CSMD1: variants seen among roughly 807,000 people sequenced by gnomAD.
The protein encoded by CSMD1 is CUB and sushi domain-containing protein 1.
Under a neutral mutation model 417.5 loss-of-function variants are expected in CSMD1, and 213 were observed. That is an observed-to-expected ratio of 0.51 (90% CI 0.46 to 0.57). CSMD1 has a LOEUF of 0.57. CSMD1 is among the 20% of genes least tolerant of loss of function. The pLI is 0.00. For missense variants in CSMD1, 6,923 were observed against 4,529.7 expected (o/e 1.53, Z -15.17); for synonymous variants, 2,862 against 1,736.8 (o/e 1.65, Z -16.11).
intron 12 of CSMD1, among the ~76,000 whole-genome samples, chr8:3,409,965 T>A (rs1812582083): frequency 6.6e-6 from 1 of 152,238 alleles, no homozygotes; most frequent in African/African-American, 2.4e-5. Flanking sequence ...TTCAACTATG[T>A]GCTTTTTGCT....
intron 2 of CSMD1, among the ~76,000 whole-genome samples, chr8:4,424,098 A>G (rs1585052286): frequency 6.6e-6 from 1 of 152,046 alleles, no homozygotes; most frequent in African/African-American, 2.4e-5. Flanking sequence ...ACTCTTAGGA[A>G]AAAAATAGGG....
chr8:3,343,007 C>G (rs1807762113), intron 23 of CSMD1, among the ~76,000 whole-genome samples: 1 of 152,030 alleles, frequency 6.6e-6, no homozygotes, highest in Non-Finnish European at 1.5e-5. Context: ...GTATACTATA[C>G]CCCAATCAAT....
chr8:4,526,245 G>C lies in CSMD1; in HGVS notation c.303-106180C>G, dbSNP rs118114666. Among the ~76,000 whole-genome samples the C allele has an allele frequency of 4.0e-4, 61 of 152,274 alleles. No homozygotes were observed. In the East Asian group the frequency reaches 8.5e-3, roughly 21 times the overall value. ...CATTTGATTATAATACTAGACAAGAGATTCCCATTATAAAGCAAACATCCT... is the reference window on the plus strand; with the variant it reads ...CATTTGATTATAATACTAGACAAGACATTCCCATTATAAAGCAAACATCCT... On this transcript the variant is annotated intron_variant, in intron 2 of 69. Coordinates refer to ENST00000635120, the MANE Select transcript of CSMD1 (RefSeq NM_033225.6).
At chr8:3,378,187 T>TA (rs1810428757) in intron 18 of CSMD1, among the ~76,000 whole-genome samples, 1 of 152,122 alleles carries the variant, frequency 6.6e-6, no homozygotes, top group Non-Finnish European at 1.5e-5. Flanking sequence ...AAAATAGTCT[T>TA]GGCTAAACCA....
intron 4 of CSMD1, among the ~76,000 whole-genome samples, chr8:4,019,285 G>C (rs184415054): frequency 6.6e-6 from 1 of 152,172 alleles, no homozygotes; most frequent in Non-Finnish European, 1.5e-5. Context: ...GATTCAGGGC[G>C]AGAGAGCTTA....
chr8:3,548,366 T>C (rs188366547), intron 10 of CSMD1, among the ~76,000 whole-genome samples: 1 of 152,080 alleles, frequency 6.6e-6, no homozygotes, highest in African/African-American at 2.4e-5. Context: ...TCTTCAGTGG[T>C]GATTCGTGAG....
chr8:2,962,600 C>T lies in CSMD1; in HGVS notation c.9494G>A (p.Arg3165Gln), dbSNP rs772511302. ...CGDPGIPAEGRLSGKSFTYKS... is the reference protein window; with the variant it reads ...CGDPGIPAEGQLSGKSFTYKS... The stretch of plus-strand genomic sequence containing the variant: ...ATAGGTGAAACTTTTCCCACTAAGT[C>T]GCCCTTCTGCGGGGATGCCAGGGTC... The change falls in exon 61 of 70, where the codon CGA (arginine) becomes CAA (glutamine). Residue 3165 changes from arginine (R) to glutamine (Q), a missense_variant. By Grantham distance (43) the Arg-to-Gln change is conservative. Transcript: ENST00000635120. 14 of 1,613,708 alleles carry T rather than the reference C, an allele frequency of 8.7e-6. No individual in the cohort carries two copies. Among genetic ancestry groups the T allele is most frequent in the African/African-American group, 1.3e-5 (1 of 74,910 alleles).
intron 2 of CSMD1, among the ~76,000 whole-genome samples, chr8:4,487,037 A>T (rs192513837): frequency 6.6e-6 from 1 of 152,162 alleles, no homozygotes; most frequent in African/African-American, 2.4e-5. Context: ...ACTGAAGAGA[A>T]TTGTAATATC....
chr8:4,291,548 T>C (rs911592794), intron 3 of CSMD1, among the ~76,000 whole-genome samples: 4 of 152,162 alleles, frequency 2.6e-5, no homozygotes, highest in African/African-American at 4.8e-5. Flanking sequence ...CATAAAAAAA[T>C]TGCTTAGTGT....
intron 3 of CSMD1, among the ~76,000 whole-genome samples, chr8:4,345,442 G>T (rs1410218968): frequency 6.6e-6 from 1 of 151,844 alleles, no homozygotes; most frequent in Non-Finnish European, 1.5e-5. Context: ...GGATAAAGAA[G>T]AGAAAAAATA....
chr8:3,825,184 G>A lies in CSMD1; in HGVS notation c.819-71142C>T, dbSNP rs149390276. Among the ~76,000 whole-genome samples the A allele has an allele frequency of 7.9e-5, 12 of 152,152 alleles. No homozygotes were observed. The East Asian group carries it at 1.6e-3, about 20-fold the overall frequency. On this transcript the variant is annotated intron_variant, in intron 5 of 69. Coordinates refer to ENST00000635120, the MANE Select transcript of CSMD1 (RefSeq NM_033225.6). ...CAGAAGCTGTAGGTGAGGGTTTAGC[G>A]TGCTGATTCCCTGAAGGAGTCATAA...
chr8:4,119,394 T>A (rs1802349394), intron 3 of CSMD1, among the ~76,000 whole-genome samples: 1 of 152,350 alleles, frequency 6.6e-6, no homozygotes, highest in East Asian at 1.9e-4. Context: ...CTACTGATTT[T>A]ACTGTTTTCA....
At chr8:3,659,922 C>CT (rs773253824) in intron 7 of CSMD1, among the ~76,000 whole-genome samples, 31 of 152,278 alleles carry the variant, frequency 2.0e-4, no homozygotes, top group Admixed American at 1.5e-3. Flanking sequence ...AAGAGCATAT[C>CT]TTCATTGTGT....
chr8:4,165,107 T>G (rs888920888), intron 3 of CSMD1, among the ~76,000 whole-genome samples: 5 of 152,126 alleles, frequency 3.3e-5, no homozygotes, highest in African/African-American at 4.8e-5. Context: ...AAACTAAGAA[T>G]TCATGTGCTG....
At chr8:4,965,162 G>A (rs1419128993) in intron 1 of CSMD1, among the ~76,000 whole-genome samples, 1 of 152,158 alleles carries the variant, frequency 6.6e-6, no homozygotes, top group Non-Finnish European at 1.5e-5. Context: ...ATAGCATACA[G>A]ATATCATGAG....
chr8:3,331,581 C>T (rs982242640), intron 23 of CSMD1, among the ~76,000 whole-genome samples: 1 of 152,182 alleles, frequency 6.6e-6, no homozygotes, highest in African/African-American at 2.4e-5. Context: ...AAAGGATCAT[C>T]TTCAAAGGGC....
chr8:3,027,730 G>A (rs778955542), intron 51 of CSMD1, among the ~76,000 whole-genome samples: 28 of 152,138 alleles, frequency 1.8e-4, no homozygotes, highest in Admixed American at 2.6e-4. Flanking sequence ...ACCCCGCTCC[G>A]TGTCAGAAAC....
intron 59 of CSMD1, among the ~76,000 whole-genome samples, chr8:2,964,099 CCTT>C (rs1803736715): frequency 6.6e-6 from 1 of 152,204 alleles, no homozygotes; most frequent in African/African-American, 2.4e-5. Flanking sequence ...TGTCTAAAAT[CCTT>C]CTTCTCTGAA....
In CSMD1 at chr8:2,954,276, T is replaced by G. The variant is rs1802842706; in HGVS notation, c.9995-8A>C. 2 of 1,429,260 alleles carry G rather than the reference T, an allele frequency of 1.4e-6. No homozygotes were observed. Among genetic ancestry groups the G allele is most frequent in the Non-Finnish European group, 1.9e-6 (2 of 1,053,698 alleles). 88.5% of individuals were successfully genotyped at this position (1,429,260 alleles called of 1,614,324 possible). A position where few individuals can be genotyped will look rare whatever the true frequency, so the allele number is the denominator to read the frequency against. On this transcript the variant is annotated splice_region_variant and splice_polypyrimidine_tract_variant and intron_variant, in intron 64 of 69. Coordinates refer to ENST00000635120, the MANE Select transcript of CSMD1 (RefSeq NM_033225.6). ...CTTCTCTCACTCCTTTACCTACAAG[T>G]AAAAAGACAAATTATCATTTTAAAA...
Sources: allele counts gnomAD v4.1 joint callset (sites outside exome capture counted in the v4.1 genomes callset), GRCh38; gene constraint gnomAD v4.1.1; transcripts MANE v1.5; gene names NCBI Gene and HGNC (gene_info 2026-07-23, HGNC 2026-07-21).